The following TRAK1 variants were observed in gnomAD, a reference collection of about 807,000 sequenced individuals.
The protein encoded by TRAK1 is trafficking kinesin protein 1.
Under a neutral mutation model 92.1 loss-of-function variants are expected in TRAK1, and 33 were observed. That is an observed-to-expected ratio of 0.36 (90% CI 0.27 to 0.48). The LOEUF is 0.48. Ranked by LOEUF, TRAK1 falls within the 20% of genes least tolerant of loss-of-function variation. The pLI is 0.99. For synonymous variants in TRAK1, 521 were observed against 517.3 expected, an observed-to-expected ratio of 1.01 and a Z score of -0.10; for missense variants, 1,123 against 1,257.9, an observed-to-expected ratio of 0.89 and a Z score of 1.62.
Position 42,225,141 on chromosome 3 carries a change from TGTC to T in TRAK1, c.*1405_*1407del, listed in dbSNP as rs1710670449. The T allele has an allele frequency of 1.3e-5, 2 of 152,358 alleles. No homozygotes were observed. Among genetic ancestry groups the T allele is most frequent in the South Asian group, 2.1e-4 (1 of 4,828 alleles). 9.4% of individuals were successfully genotyped at this position (152,358 alleles called of 1,614,324 possible). A position where few individuals can be genotyped will look rare whatever the true frequency, so the allele number is the denominator to read the frequency against. The stretch of plus-strand genomic sequence containing the variant: ...GTTCCTTCCAGTTTCAGTCATAGTG[TGTC>T]TGTGGCATTCCAGTCCAACCATGTG... On this transcript the variant is annotated 3_prime_UTR_variant, in exon 16 of 16. Transcript: ENST00000327628.
chr3:42,213,736 C>G (rs914687821), intron 14 of TRAK1, among the ~76,000 whole-genome samples: 6 of 152,212 alleles, frequency 3.9e-5, no homozygotes, highest in African/African-American at 1.4e-4. Context: ...CTTGATGGGT[C>G]TGGAAGGAAA....
intron 1 of TRAK1, among the ~76,000 whole-genome samples, chr3:42,094,458 T>C (rs1401956867): frequency 6.6e-6 from 1 of 152,060 alleles, no homozygotes; most frequent in African/African-American, 2.4e-5. Context: ...TGTATTGCAA[T>C]CTTGAACTCC....
intron 2 of TRAK1, among the ~76,000 whole-genome samples, chr3:42,127,688 A>T (rs1710767436): frequency 6.6e-6 from 1 of 152,106 alleles, no homozygotes; most frequent in Non-Finnish European, 1.5e-5. Flanking sequence ...AATCACTGAC[A>T]TTTACAGTGT....
At chr3:42,186,289 C>G (rs1013417576) in intron 4 of TRAK1, among the ~76,000 whole-genome samples, 66 of 152,252 alleles carry the variant, frequency 4.3e-4, no homozygotes, top group African/African-American at 1.5e-3. Flanking sequence ...GCCTCTTCTC[C>G]CTTATTTTCT....
At chr3:42,069,304 C>T (rs1317864367) in intron 1 of TRAK1, among the ~76,000 whole-genome samples, 2 of 136,770 alleles carry the variant, frequency 1.5e-5, no homozygotes, top group Non-Finnish European at 3.1e-5. Flanking sequence ...CTGGGTGACA[C>T]AGCAAGACCC....
At position 42,202,822 on chromosome 3, in the gene TRAK1, G is replaced by T; in HGVS notation, c.1744+70G>T. 1 of 1,589,270 alleles carries T rather than the reference G, an allele frequency of 6.3e-7. No homozygotes were observed. Among genetic ancestry groups the T allele is most frequent in the East Asian group, 2.3e-5 (1 of 44,086 alleles). On this transcript the variant is annotated intron_variant, in intron 13 of 15. Coordinates refer to ENST00000327628, the MANE Select transcript of TRAK1 (RefSeq NM_001042646.3). This position sits in a 1 kb window ranked among gnomAD's most constrained non-coding sequence, Gnocchi z 6.1. ...TCCCTTTGGTCCCTGATCCACCTGC[G>T]GAAGGCGGGGCACCTCTGTCACGCC...
chr3:42,192,970 A>T lies in TRAK1; in HGVS notation c.770-105A>T, dbSNP rs144795144. 2.6e-4 allele frequency: 383 copies of T among 1,501,092 alleles called. 2 individuals carry two copies. In the African/African-American group the frequency reaches 4.8e-3, roughly 19 times the overall value. 93.0% of individuals were successfully genotyped at this position (1,501,092 alleles called of 1,614,324 possible). On this transcript the variant is annotated intron_variant, in intron 7 of 15. Transcript: ENST00000327628. Reference sequence around the variant, plus strand: ...CCCTCCCCACTCTACCCTGTCTTTTAGTAAGGATGGTTTTTCTTGTGCAAA... The same window carrying T: ...CCCTCCCCACTCTACCCTGTCTTTTTGTAAGGATGGTTTTTCTTGTGCAAA...
chr3:42,207,757 A>G (rs926334139), intron 13 of TRAK1, among the ~76,000 whole-genome samples: 1 of 152,176 alleles, frequency 6.6e-6, no homozygotes, highest in African/African-American at 2.4e-5. Flanking sequence ...TTGTTTGCAC[A>G]GTGTTGCTAG....
At chr3:42,085,607 T>G (rs1320660892), upstream of TRAK1, among the ~76,000 whole-genome samples, 1 of 152,248 alleles carries the variant, frequency 6.6e-6, no homozygotes, top group Admixed American at 6.5e-5. Flanking sequence ...GTAGTTTTCT[T>G]TCAGAACTGA....
At chr3:42,205,278 A>G (rs751659425) in intron 13 of TRAK1, among the ~76,000 whole-genome samples, 16 of 152,032 alleles carry the variant, frequency 1.1e-4, no homozygotes, top group Non-Finnish European at 1.9e-4. Flanking sequence ...ATCTTTTTCT[A>G]TTGGCCCACT....
chr3:42,085,728 T>C (rs1704640401), upstream of TRAK1, among the ~76,000 whole-genome samples: 2 of 152,246 alleles, frequency 1.3e-5, no homozygotes, highest in African/African-American at 2.4e-5. Context: ...ACACTTTTTT[T>C]GTGGGTGTGG....
chr3:42,095,487 T>C (rs1705771847), intron 1 of TRAK1, among the ~76,000 whole-genome samples: 1 of 152,178 alleles, frequency 6.6e-6, no homozygotes, highest in South Asian at 2.1e-4. Context: ...CAAAATATAG[T>C]CAGTGCAGAG....
intron 1 of TRAK1, among the ~76,000 whole-genome samples, chr3:42,105,034 C>T (rs993955388): frequency 7.9e-5 from 12 of 151,844 alleles, no homozygotes; most frequent in African/African-American, 2.9e-4. Context: ...TCACCGCAAC[C>T]TCTGCCTCCT....
At chr3:42,128,558 A>AGC (rs759054031) in intron 2 of TRAK1, among the ~76,000 whole-genome samples, 15 of 152,030 alleles carry the variant, frequency 9.9e-5, no homozygotes, top group Non-Finnish European at 2.2e-4. Flanking sequence ...CTGTAGAGAG[A>AGC]ATTTAGGGGT....
At chr3:42,216,979 G>C (rs1709771511) in intron 14 of TRAK1, among the ~76,000 whole-genome samples, 1 of 151,934 alleles carries the variant, frequency 6.6e-6, no homozygotes, top group African/African-American at 2.4e-5. Context: ...AGAACTTTCT[G>C]TTTAGATAAA....
upstream of TRAK1, among the ~76,000 whole-genome samples, chr3:42,085,390 A>C (rs1704623827): frequency 6.6e-6 from 1 of 152,162 alleles, no homozygotes; most frequent in African/African-American, 2.4e-5. Context: ...GCTGGCCTCA[A>C]ACTCCTGACC....
intron 1 of TRAK1, among the ~76,000 whole-genome samples, chr3:42,041,812 TGAGACG>T (rs1702553714): frequency 6.6e-6 from 1 of 152,046 alleles, no homozygotes; most frequent in Admixed American, 6.5e-5. Flanking sequence ...CTTTTCTTTT[TGAGACG>T]GAGTCTCGCT....
chr3:42,060,782 C>T (rs1310554156), intron 1 of TRAK1, among the ~76,000 whole-genome samples: 1 of 148,258 alleles, frequency 6.7e-6, no homozygotes, highest in Non-Finnish European at 1.5e-5. Flanking sequence ...TGCCCGCCAC[C>T]ACTCCTGGCT....
intron 1 of TRAK1, among the ~76,000 whole-genome samples, chr3:42,039,395 G>A (rs999795655): frequency 2.6e-5 from 4 of 152,000 alleles, no homozygotes; most frequent in Admixed American, 2.0e-4. Context: ...ATGGAGTCTC[G>A]TTCTGTCACC....
Sources: gnomAD v4.1 joint callset for allele counts (sites outside exome capture counted in the v4.1 genomes callset) on GRCh38, gnomAD v4.1.1 for gene constraint, Gnocchi (gnomAD v3.1) non-coding constraint, MANE v1.5 for transcripts, NCBI Gene and HGNC (gene_info 2026-07-23, HGNC 2026-07-21) for gene names.